ANO1: variants seen among roughly 807,000 people sequenced by gnomAD.
The protein encoded by ANO1 is anoctamin-1.
Under a neutral mutation model 124.0 loss-of-function variants are expected in ANO1, and 59 were observed. That is an observed-to-expected ratio of 0.48 (90% CI 0.39 to 0.59). The LOEUF (loss-of-function observed/expected upper bound fraction) is 0.59, where lower values mean the gene tolerates loss of function less well. Among genes scored for constraint, ANO1 ranks in the 20% least tolerant of loss-of-function variants. ANO1 has a pLI of 0.00. For missense variants in ANO1, 1,059 were observed against 1,328.0 expected (o/e 0.80, Z 3.15); for synonymous variants, 529 against 532.0 (o/e 0.99, Z 0.08).
At chr11:70,132,176 AGGGGTTGTCGG>A in intron 11 of ANO1, 97 bp downstream of exon 11, 4 of 1,425,294 alleles carry the variant, frequency 2.8e-6, no homozygotes, top group Admixed American at 2.3e-5. Flanking sequence ...ATCCTCAGGC[AGGGGTTGTCGG>A]GAAAAAACAT....
At chr11:69,993,800 T>A (rs1477322180) in intron 1 of ANO1, among the ~76,000 whole-genome samples, 7 of 152,228 alleles carry the variant, frequency 4.6e-5, no homozygotes, top group Non-Finnish European at 1.0e-4. Flanking sequence ...CTCACCTGCC[T>A]CTCCAGATTC....
intron 14 of ANO1, 108 bp downstream of exon 14, chr11:70,153,236 C>A: frequency 9.6e-7 from 1 of 1,040,274 alleles, no homozygotes. Flanking sequence ...CTGTGTAACC[C>A]CGTGTTGCGG....
At position 70,047,094 on chromosome 11, in the gene ANO1, A is replaced by G. The variant is rs542245568; in HGVS notation, c.59-31448A>G. 9.3e-5 allele frequency among the ~76,000 whole-genome samples: 13 copies of G among 139,392 alleles called. 1 individual carries two copies. The South Asian group carries it at 2.4e-3, about 26-fold the overall frequency. 91.4% of individuals were successfully genotyped at this position (139,392 alleles called of 152,430 possible). ...AGACTCTGTCTCAAAAAAAAAAAAA[A>G]AAAGAAAAAGAAAGAAAGAAAAAGG... is the stretch of plus-strand genomic sequence containing the variant. On this transcript the variant is annotated intron_variant, in intron 1 of 27. Transcript: ENST00000531349.
intron 1 of ANO1, among the ~76,000 whole-genome samples, chr11:70,025,690 T>A (rs1273527802): frequency 7.3e-6 from 1 of 136,164 alleles, no homozygotes; most frequent in East Asian, 2.4e-4. Flanking sequence ...GTGGTGACGA[T>A]GATGATGGTG....
intron 2 of ANO1, 124 bp downstream of exon 2, chr11:70,088,208 G>C: frequency 1.3e-6 from 1 of 763,324 alleles, no homozygotes. Context: ...GCTTTAAGCT[G>C]TTCTTAAAGA....
At chr11:70,165,674 A>T in intron 20 of ANO1, 104 bp downstream of exon 20, 1 of 873,160 alleles carries the variant, frequency 1.1e-6, no homozygotes, top group South Asian at 1.6e-5. Context: ...CTCAACCAAG[A>T]TGGGGGCACT....
At chr11:69,990,148 A>C (rs1554997277) in intron 1 of ANO1, among the ~76,000 whole-genome samples, 1 of 151,780 alleles carries the variant, frequency 6.6e-6, no homozygotes, top group South Asian at 2.1e-4. Flanking sequence ...CCCATTCCCC[A>C]CCCCGCCCTG....
intron 22 of ANO1, among the ~76,000 whole-genome samples, chr11:70,172,297 A>C (rs1286422596): frequency 6.6e-6 from 1 of 152,044 alleles, no homozygotes; most frequent in Non-Finnish European, 1.5e-5. Flanking sequence ...AGCCCCACGC[A>C]GGCTTCCACC....
chr11:70,170,469 G>A (rs1210712963), intron 21 of ANO1, among the ~76,000 whole-genome samples: 3 of 152,176 alleles, frequency 2.0e-5, no homozygotes, highest in African/African-American at 7.2e-5. Flanking sequence ...GTGCATGCCT[G>A]TGGTCCCAGC....
intron 16 of ANO1, among the ~76,000 whole-genome samples, chr11:70,157,875 G>A (rs2047880460): frequency 6.6e-6 from 1 of 151,488 alleles, no homozygotes; most frequent in South Asian, 2.1e-4. Context: ...AGCTATTCGG[G>A]AGGCTGTAGT....
chr11:70,088,241 G>T (rs1259534121), intron 2 of ANO1, among the ~76,000 whole-genome samples, 157 bp downstream of exon 2: 1 of 152,102 alleles, frequency 6.6e-6, no homozygotes, highest in Admixed American at 6.5e-5. Context: ...GCCAGACGCA[G>T]TGGCTCACAC....
intron 1 of ANO1, among the ~76,000 whole-genome samples, chr11:70,051,525 A>G (rs377446448): frequency 1.8e-4 from 28 of 152,230 alleles, no homozygotes; most frequent in African/African-American, 6.5e-4. Flanking sequence ...GAAACGCCAC[A>G]TCTTCCCTGC....
At chr11:70,078,865 G>A (rs1002691332) in intron 1 of ANO1, among the ~76,000 whole-genome samples, 151 bp downstream of exon 1, 1 of 150,110 alleles carries the variant, frequency 6.7e-6, no homozygotes, top group Non-Finnish European at 1.5e-5. Context: ...GCGCACGTGC[G>A]TGCCGGGAAG....
At chr11:70,141,165 C>T (rs72942909) in intron 11 of ANO1, among the ~76,000 whole-genome samples, 3,713 of 152,264 alleles carry the variant, frequency 0.024, 54 homozygotes, top group Middle Eastern at 0.037. Flanking sequence ...AGGAATGTAC[C>T]GTAAGCCAGT....
At chr11:70,039,814 T>G (rs375374563) in intron 1 of ANO1, among the ~76,000 whole-genome samples, 31 of 152,314 alleles carry the variant, frequency 2.0e-4, no homozygotes, top group African/African-American at 7.2e-4. Context: ...AATCTTCCCT[T>G]TCCTCCCACT....
At chr11:69,969,699 A>G in the ANO1 span, among the ~76,000 whole-genome samples, 1 of 152,192 alleles carries the variant, frequency 6.6e-6, no homozygotes, top group South Asian at 2.1e-4. Flanking sequence ...CTGTAATCCC[A>G]GCACTTTGGG....
At chr11:69,968,677 C>A in the ANO1 span, among the ~76,000 whole-genome samples, 1 of 152,232 alleles carries the variant, frequency 6.6e-6, no homozygotes, top group Non-Finnish European at 1.5e-5. Context: ...ATTCCTCAGG[C>A]AGGGTCCCTT....
chr11:70,083,749 C>A (rs2044271346), intron 1 of ANO1, among the ~76,000 whole-genome samples: 1 of 152,200 alleles, frequency 6.6e-6, no homozygotes, highest in African/African-American at 2.4e-5. Context: ...TTCTCAGTCC[C>A]TGTGTACTGA....
intron 1 of ANO1, among the ~76,000 whole-genome samples, chr11:69,987,019 C>A (rs986627868): frequency 6.6e-6 from 1 of 151,948 alleles, no homozygotes; most frequent in Non-Finnish European, 1.5e-5. Context: ...TTTTATTCTT[C>A]CCCCCTCCCT....
Sources: gnomAD v4.1 joint callset for allele counts (sites outside exome capture counted in the v4.1 genomes callset) on GRCh38, gnomAD v4.1.1 for gene constraint, MANE v1.5 for transcripts, NCBI Gene and HGNC (gene_info 2026-07-23, HGNC 2026-07-21) for gene names.